KSR2: variants seen among roughly 807,000 people sequenced by gnomAD.
The protein encoded by KSR2 is kinase suppressor of ras 2.
KSR2 carries 25 observed loss-of-function variants against 107.8 expected under a neutral mutation model. The ratio of observed to expected loss-of-function variants is 0.23; its 90% CI spans 0.17 to 0.32. KSR2 has a LOEUF of 0.32. KSR2 is among the 10% of genes least tolerant of loss of function. The pLI, the probability that KSR2 is intolerant of heterozygous loss-of-function variation, is 1.00. For missense variants in KSR2, 887 were observed against 1,268.9 expected, an observed-to-expected ratio of 0.70 and a Z score of 4.57; for synonymous variants, 480 against 507.0, an observed-to-expected ratio of 0.95 and a Z score of 0.71.
At chr12:117,929,088 A>G (rs1311206159) in intron 1 of KSR2, among the ~76,000 whole-genome samples, 1 of 152,260 alleles carries the variant, frequency 6.6e-6, no homozygotes, top group Admixed American at 6.5e-5. Flanking sequence ...GACTTCAGAC[A>G]TACATCTCTG....
In KSR2 at chr12:117,490,561, G is replaced by A. The variant is rs143521373; in HGVS notation, c.2220-4870C>T. Among the ~76,000 whole-genome samples the A allele has an allele frequency of 5.3e-5, 8 of 152,274 alleles. No homozygotes were observed. The East Asian group carries it at 1.5e-3, about 29-fold the overall frequency. ...TTTCTTTGTAGCCCATAAAATAAAT[G>A]GTGAATATTCTTTTCTTTGAGATGG... is the stretch of plus-strand genomic sequence containing the variant. On this transcript the variant is annotated intron_variant, in intron 14 of 19. Coordinates refer to ENST00000339824, the MANE Select transcript of KSR2 (RefSeq NM_173598.6).
intron 7 of KSR2, among the ~76,000 whole-genome samples, chr12:117,574,533 C>T (rs11068547): frequency 0.25 from 38,339 of 151,948 alleles, 5,137 homozygotes; most frequent in African/African-American, 0.34. Flanking sequence ...GGTTTCCCCT[C>T]ATAAAACCAT....
Position 117,756,483 on chromosome 12 carries a change from T to C in KSR2, c.986+4528A>G, listed in dbSNP as rs941709709. 3.3e-5 allele frequency among the ~76,000 whole-genome samples: 5 copies of C among 152,362 alleles called. No individual in the cohort carries two copies. The East Asian group carries it at 9.6e-4, about 29-fold the overall frequency. ...TTTGTTCACAGCATGGTTTGCTGAA[T>C]ATTTTAAGCCCACTGTTGAGACCGA... On this transcript the variant is annotated intron_variant, in intron 4 of 19. Coordinates refer to ENST00000339824, the MANE Select transcript of KSR2 (RefSeq NM_173598.6).
chr12:117,783,155 A>C (rs1345231930), intron 3 of KSR2, among the ~76,000 whole-genome samples: 7 of 152,316 alleles, frequency 4.6e-5, no homozygotes, highest in Middle Eastern at 3.4e-3. Context: ...GCCCAACACT[A>C]TTCTAAATAT....
rs1887038768 is a variant in KSR2, at chr12:117,717,666, G to GTATGT, written c.986+43344_986+43345insACATA. On this transcript the variant is annotated intron_variant, in intron 4 of 19. Coordinates refer to ENST00000339824, the MANE Select transcript of KSR2 (RefSeq NM_173598.6). ...CCATGTGGCATGTGTGGGGCAGACA[G>GTATGT]GTGTGTGTGTGTGTGTGTGTGTGTG... Among the ~76,000 whole-genome samples the GTATGT allele has an allele frequency of 2.4e-3, 352 of 144,472 alleles. 2 individuals are homozygous for GTATGT. The highest frequency in any genetic ancestry group is 7.3e-3 in the African/African-American group (284 of 38,680). 94.8% of individuals were successfully genotyped at this position (144,472 alleles called of 152,430 possible).
chr12:117,754,543 C>G (rs1450971719), intron 4 of KSR2, among the ~76,000 whole-genome samples: 1 of 152,016 alleles, frequency 6.6e-6, no homozygotes, highest in Non-Finnish European at 1.5e-5. Context: ...GAGGCTGAGG[C>G]AGGAGAATCG....
chr12:117,628,195 C>G (rs1882622268), intron 5 of KSR2, among the ~76,000 whole-genome samples: 1 of 152,172 alleles, frequency 6.6e-6, no homozygotes, highest in South Asian at 2.1e-4. Flanking sequence ...AAGCCTACTT[C>G]TGTTAACTCG....
At chr12:117,752,412 G>C (rs761669809) in intron 4 of KSR2, among the ~76,000 whole-genome samples, 39 of 152,204 alleles carry the variant, frequency 2.6e-4, no homozygotes, top group Admixed American at 6.5e-4. Flanking sequence ...TGGAATATTT[G>C]TATTTGTGCA....
At chr12:117,834,951 G>A (rs770289073) in intron 3 of KSR2, among the ~76,000 whole-genome samples, 1 of 152,226 alleles carries the variant, frequency 6.6e-6, no homozygotes, top group South Asian at 2.1e-4. Context: ...AAGCTGTGCG[G>A]GTAAACCAGA....
chr12:117,672,262 T>G (rs1458225480), intron 4 of KSR2, among the ~76,000 whole-genome samples: 1 of 152,228 alleles, frequency 6.6e-6, no homozygotes, highest in Non-Finnish European at 1.5e-5. Flanking sequence ...ACTGTGTACT[T>G]AAGATTTAGT....
intron 1 of KSR2, among the ~76,000 whole-genome samples, chr12:117,896,345 T>C (rs1163531102): frequency 3.3e-5 from 5 of 151,854 alleles, no homozygotes; most frequent in African/African-American, 1.2e-4. Context: ...AGACAAGAAG[T>C]AGATTAGTGG....
At chr12:117,965,564 T>TCATTATCACAG (rs2137622212) in intron 1 of KSR2, among the ~76,000 whole-genome samples, 1 of 152,348 alleles carries the variant, frequency 6.6e-6, no homozygotes, top group African/African-American at 2.4e-5. Flanking sequence ...TAAGTGCTGT[T>TCATTATCACAG]CATTATCACA....
intron 9 of KSR2, among the ~76,000 whole-genome samples, chr12:117,552,463 T>C (rs1877377716): frequency 6.6e-6 from 1 of 152,214 alleles, no homozygotes; most frequent in South Asian, 2.1e-4. Flanking sequence ...AAGTTCCACC[T>C]GTTTGCTAAT....
chr12:117,867,553 C>T (rs994196508), intron 1 of KSR2, among the ~76,000 whole-genome samples: 16 of 152,286 alleles, frequency 1.1e-4, no homozygotes, highest in African/African-American at 2.9e-4. Flanking sequence ...TGACTTGCCT[C>T]GGCCAATAGG....
At chr12:117,927,177 A>G (rs1486107426) in intron 1 of KSR2, among the ~76,000 whole-genome samples, 1 of 151,904 alleles carries the variant, frequency 6.6e-6, no homozygotes, top group East Asian at 1.9e-4. Flanking sequence ...GAAGTTTGCA[A>G]CCATCCTGGA....
intron 5 of KSR2, among the ~76,000 whole-genome samples, chr12:117,639,693 G>C (rs1883274196): frequency 6.6e-6 from 1 of 150,668 alleles, no homozygotes; most frequent in African/African-American, 2.4e-5. Context: ...GGGAAAGCCA[G>C]CGAGAAAACT....
At chr12:117,786,546 T>G (rs570957089) in intron 3 of KSR2, among the ~76,000 whole-genome samples, 2 of 152,294 alleles carry the variant, frequency 1.3e-5, no homozygotes, top group African/African-American at 4.8e-5. Flanking sequence ...CTGGGCATGA[T>G]GGCTCACGGC....
intron 10 of KSR2, among the ~76,000 whole-genome samples, chr12:117,534,876 C>T (rs1875919237): frequency 2.0e-5 from 3 of 152,064 alleles, no homozygotes; most frequent in Admixed American, 2.0e-4. Context: ...ATGTGGGCAG[C>T]CCCTAGATGC....
intron 7 of KSR2, among the ~76,000 whole-genome samples, chr12:117,560,060 A>G (rs1428148988): frequency 6.6e-6 from 1 of 152,164 alleles, no homozygotes; most frequent in African/African-American, 2.4e-5. Flanking sequence ...AATGGTTTGA[A>G]TATGCAGGCA....
Sources: gnomAD v4.1 joint callset for allele counts (sites outside exome capture counted in the v4.1 genomes callset) on GRCh38, gnomAD v4.1.1 for gene constraint, MANE v1.5 for transcripts, NCBI Gene and HGNC (gene_info 2026-07-23, HGNC 2026-07-21) for gene names.